Variants in CCDC141 observed in about 807,000 individuals in gnomAD.
CCDC141 encodes the protein coiled-coil domain-containing protein 141.
CCDC141 carries 168 observed loss-of-function variants against 181.0 expected under a neutral mutation model. The observed-to-expected ratio is 0.93, with a 90% confidence interval of 0.82 to 1.05. The LOEUF (loss-of-function observed/expected upper bound fraction) is 1.05. Among genes scored for constraint, CCDC141 ranks in the 50% least tolerant of loss-of-function variants. The pLI is 0.00. For missense variants in CCDC141, 1,902 were observed against 1,788.5 expected (o/e 1.06, Z -1.14); for synonymous variants, 666 against 642.3 (o/e 1.04, Z -0.56).
At chr2:178,841,190 T>C (rs111969344) in intron 22 of CCDC141, among the ~76,000 whole-genome samples, 1 of 152,336 alleles carries the variant, frequency 6.6e-6, no homozygotes, top group African/African-American at 2.4e-5. Flanking sequence ...CAAAGTTAGA[T>C]ATCTCCACAA....
rs563994931 is a variant in CCDC141 at position 178,890,289 on chromosome 2, G to T, written c.1266-1621C>A. ...AAAAGGTGCCCACTCCCACCTCTGA[G>T]TTGCCCTGTGTGGTCTCACCCCAAA... On this transcript the variant is annotated intron_variant, in intron 8 of 23. Coordinates refer to ENST00000443758, the MANE Select transcript of CCDC141 (RefSeq NM_173648.4). Among the ~76,000 whole-genome samples, 132 of 152,250 alleles carry T rather than the reference G, an allele frequency of 8.7e-4. 2 individuals are homozygous for T. The highest frequency in any genetic ancestry group is 3.4e-3 in the Middle Eastern group (1 of 294).
chr2:178,994,008 C>A (rs1390685639), intron 2 of CCDC141, among the ~76,000 whole-genome samples: 1 of 152,164 alleles, frequency 6.6e-6, no homozygotes, highest in Non-Finnish European at 1.5e-5. Context: ...TCACAGGGTA[C>A]AACCTCCCTC....
At chr2:178,821,519 C>T in the CCDC141 span, among the ~76,000 whole-genome samples, 7,093 of 152,182 alleles carry the variant, frequency 0.047, 195 homozygotes, top group East Asian at 0.11. Flanking sequence ...GAGAGCTAGA[C>T]GCACATTTAG....
chr2:179,049,554 C>G (rs188952286), intron 1 of CCDC141, among the ~76,000 whole-genome samples: 1 of 151,218 alleles, frequency 6.6e-6, no homozygotes, highest in Non-Finnish European at 1.5e-5. Context: ...ACAGTATATG[C>G]TAGAGGTTTT....
At chr2:178,886,278 T>C (rs1263056771) in intron 10 of CCDC141, among the ~76,000 whole-genome samples, 1 of 150,746 alleles carries the variant, frequency 6.6e-6, no homozygotes, top group African/African-American at 2.4e-5. Context: ...CTGGAGAAGG[T>C]GCTGTGGTGG....
intron 7 of CCDC141, among the ~76,000 whole-genome samples, chr2:178,908,152 T>C (rs1020062091): frequency 2.0e-5 from 3 of 152,208 alleles, no homozygotes; most frequent in African/African-American, 7.2e-5. Context: ...TATTACTTAT[T>C]TTGAATAAAG....
At chr2:178,927,289 C>T (rs1264719691) in intron 6 of CCDC141, among the ~76,000 whole-genome samples, 1 of 152,098 alleles carries the variant, frequency 6.6e-6, no homozygotes, top group African/African-American at 2.4e-5. Context: ...GAATGTGGAA[C>T]CATCTAAAAA....
chr2:179,036,230 C>A (rs1169480490), intron 2 of CCDC141, among the ~76,000 whole-genome samples: 1 of 152,182 alleles, frequency 6.6e-6, no homozygotes, highest in Non-Finnish European at 1.5e-5. Context: ...AGAATTCTTG[C>A]CCCTTTGGTA....
chr2:179,003,866 C>CT (rs151159610), intron 2 of CCDC141, among the ~76,000 whole-genome samples: 12 of 151,768 alleles, frequency 7.9e-5, no homozygotes, highest in East Asian at 1.9e-4. Context: ...AAAATAATTG[C>CT]TTTTTTTTCA....
In CCDC141 at chr2:178,833,063, A is replaced by C. The variant is rs1684323169; in HGVS notation, c.*1110T>G. 6.6e-6 allele frequency: 1 copy of C among 152,316 alleles called. No homozygotes were observed. Among genetic ancestry groups the C allele is most frequent in the Admixed American group, 6.5e-5 (1 of 15,290 alleles). 9.4% of individuals were successfully genotyped at this position (152,316 alleles called of 1,614,324 possible). On this transcript the variant is annotated 3_prime_UTR_variant, in exon 24 of 24. Coordinates refer to ENST00000443758, the MANE Select transcript of CCDC141 (RefSeq NM_173648.4). ...AATTTCAAGTCTTTGAAAAGAATGC[A>C]GTCTTCAGAAATTAGATAGGAATTT...
At chr2:178,858,042 A>G (rs185295250) in intron 17 of CCDC141, among the ~76,000 whole-genome samples, 2 of 152,314 alleles carry the variant, frequency 1.3e-5, no homozygotes, top group East Asian at 3.9e-4. Context: ...TCTGATACAC[A>G]TATACTTAAT....
At chr2:178,981,683 T>TATAG (rs1218312881) in intron 2 of CCDC141, among the ~76,000 whole-genome samples, 78 of 119,584 alleles carry the variant, frequency 6.5e-4, no homozygotes, top group African/African-American at 2.1e-3. Flanking sequence ...TATATATATA[T>TATAG]AGAGAGAGAG....
the CCDC141 span, among the ~76,000 whole-genome samples, chr2:178,818,888 C>T: frequency 6.6e-6 from 1 of 152,148 alleles, no homozygotes; most frequent in Non-Finnish European, 1.5e-5. Context: ...AATTTACACT[C>T]CCCAAAACAG....
chr2:178,986,463 C>A (rs1271430750), intron 2 of CCDC141, among the ~76,000 whole-genome samples: 1 of 152,130 alleles, frequency 6.6e-6, no homozygotes. Flanking sequence ...GATGTTCTGG[C>A]CAGGGCAATT....
chr2:179,033,385 T>C (rs1256920223), intron 2 of CCDC141, among the ~76,000 whole-genome samples: 1 of 152,122 alleles, frequency 6.6e-6, no homozygotes, highest in Non-Finnish European at 1.5e-5. Flanking sequence ...TACTATGCCA[T>C]TTTATAAAAG....
chr2:178,954,912 C>A (rs553344929), intron 5 of CCDC141, among the ~76,000 whole-genome samples: 1 of 152,064 alleles, frequency 6.6e-6, no homozygotes, highest in South Asian at 2.1e-4. Context: ...CTATAAAACC[C>A]AAATTACTAA....
In CCDC141 at chr2:179,023,555, T is replaced by C. The variant is rs376797824; in HGVS notation, c.225+23729A>G. ...TTTTAAAAGTGGTTCTCACTAGCAATCATGCAATAAAAGTCCACTGTGTTA... is the reference window on the plus strand; with the variant it reads ...TTTTAAAAGTGGTTCTCACTAGCAACCATGCAATAAAAGTCCACTGTGTTA... On this transcript the variant is annotated intron_variant, in intron 2 of 23. Coordinates refer to ENST00000443758, the MANE Select transcript of CCDC141 (RefSeq NM_173648.4). Among the ~76,000 whole-genome samples the C allele has an allele frequency of 9.8e-5, 15 of 152,326 alleles. No homozygotes were observed. In the South Asian group the frequency reaches 1.7e-3, roughly 17 times the overall value.
intron 2 of CCDC141, 56 bp downstream of exon 2, chr2:179,047,228 A>G: frequency 6.9e-7 from 1 of 1,449,830 alleles, no homozygotes; most frequent in Non-Finnish European, 9.1e-7. Context: ...GAAGTATAAG[A>G]AATAGTTTTT....
At position 178,837,386 on chromosome 2, in the gene CCDC141, TC is replaced by T. The variant is rs1439716550; in HGVS notation, c.3832del (p.Asp1278IlefsTer23). 2.5e-6 allele frequency: 4 copies of T among 1,613,980 alleles called. No individual in the cohort carries two copies. The highest frequency in any genetic ancestry group is 3.4e-6 in the Non-Finnish European group (4 of 1,179,990). On this transcript the variant is annotated frameshift_variant, in exon 23 of 24. Coordinates refer to ENST00000443758, the MANE Select transcript of CCDC141 (RefSeq NM_173648.4). LOFTEE classifies it high-confidence loss of function. ...ATGACTTGAAAATGTTTCTCTCTTA[TC>T]ATTGCATGCATCCGCAAAGGCAACA... ...PPVAFADACNDKRETFSSHFE... is the reference protein window; with the variant it reads ...PPVAFADACNXKRETFSSHFE...
Sources: gnomAD v4.1 joint callset for allele counts (sites outside exome capture counted in the v4.1 genomes callset) on GRCh38, gnomAD v4.1.1 for gene constraint, MANE v1.5 for transcripts, NCBI Gene and HGNC (gene_info 2026-07-23, HGNC 2026-07-21) for gene names.